RASGEF1A: variants seen among roughly 807,000 people sequenced by gnomAD.
RASGEF1A encodes the protein ras-GEF domain-containing family member 1A.
RASGEF1A carries 18 observed loss-of-function variants against 56.4 expected under a neutral mutation model. The observed-to-expected ratio is 0.32, with a 90% confidence interval of 0.22 to 0.47. RASGEF1A has a LOEUF of 0.47. RASGEF1A is among the 20% of genes least tolerant of loss of function. RASGEF1A has a pLI of 1.00. For missense variants in RASGEF1A, 422 were observed against 627.1 expected, an observed-to-expected ratio of 0.67 and a Z score of 3.49; for synonymous variants, 245 against 242.6, an observed-to-expected ratio of 1.01 and a Z score of -0.09.
intron 1 of RASGEF1A, among the ~76,000 whole-genome samples, chr10:43,259,064 G>A (rs1429806557): frequency 1.3e-5 from 2 of 152,254 alleles, no homozygotes; most frequent in Non-Finnish European, 2.9e-5. Context: ...CCATCAGTCA[G>A]TCCTTCCCTG....
Position 43,212,930 on chromosome 10 carries a change from A to G in RASGEF1A, c.-6-6808T>C, listed in dbSNP as rs567411958. The stretch of plus-strand genomic sequence containing the variant: ...GTGCACAGACCCCTTCGCACCAAGG[A>G]ATACACTGTGCCAATCACACAGCAC... On this transcript the variant is annotated intron_variant, in intron 1 of 12. Coordinates refer to ENST00000395810, the MANE Select transcript of RASGEF1A (RefSeq NM_145313.4). Among the ~76,000 whole-genome samples, 3 of 152,342 alleles carry G rather than the reference A, an allele frequency of 2.0e-5. No homozygotes were observed. In the East Asian group the frequency reaches 5.8e-4, roughly 29 times the overall value.
chr10:43,258,280 G>C (rs1209163690), intron 1 of RASGEF1A, among the ~76,000 whole-genome samples: 1 of 152,224 alleles, frequency 6.6e-6, no homozygotes, highest in Non-Finnish European at 1.5e-5. Context: ...CTTGAGGTGA[G>C]GGATTCTGTG....
chr10:43,254,252 G>A (rs12769745), intron 1 of RASGEF1A, among the ~76,000 whole-genome samples: 34,445 of 152,202 alleles, frequency 0.23, 4,053 homozygotes, highest in Non-Finnish European at 0.27. Flanking sequence ...GAACTGCAAT[G>A]TGCCAGTGGC....
intron 1 of RASGEF1A, among the ~76,000 whole-genome samples, chr10:43,219,572 C>G (rs1220258887): frequency 6.6e-6 from 1 of 152,222 alleles, no homozygotes; most frequent in Non-Finnish European, 1.5e-5. Flanking sequence ...TGCCCAGGCC[C>G]ACCCGGGCAC....
At chr10:43,257,415 T>A (rs1588953270) in intron 1 of RASGEF1A, among the ~76,000 whole-genome samples, 1 of 152,188 alleles carries the variant, frequency 6.6e-6, no homozygotes, top group East Asian at 1.9e-4. Flanking sequence ...CAGTGTTTGG[T>A]GGGGAAGGAG....
intron 3 of RASGEF1A, among the ~76,000 whole-genome samples, chr10:43,202,193 C>G (rs1032163520): frequency 6.6e-6 from 1 of 152,198 alleles, no homozygotes; most frequent in African/African-American, 2.4e-5. Flanking sequence ...AAAAACCCAC[C>G]CCATCTCTAA....
At chr10:43,200,327 C>A in intron 5 of RASGEF1A, 71 bp from the exon 6 acceptor site, 1 of 1,366,186 alleles carries the variant, frequency 7.3e-7, no homozygotes, top group South Asian at 1.2e-5. Flanking sequence ...CATAGGCATG[C>A]GGACAGGGAG....
intron 1 of RASGEF1A, among the ~76,000 whole-genome samples, chr10:43,236,493 G>A (rs1002542386): frequency 6.6e-6 from 1 of 152,206 alleles, no homozygotes; most frequent in African/African-American, 2.4e-5. Flanking sequence ...CTGCACCTGC[G>A]CCTATAAAAC....
rs149940317 is a variant in RASGEF1A at position 43,265,135 on chromosome 10, C to CCCT, written c.-7+1707_-7+1709dup. ...ACTGTCCAGCACAAATGCCATTTCT[C>CCCT]CCTCCTCCTCCTCCTCCCCTGCCTG... On this transcript the variant is annotated intron_variant, in intron 1 of 12. Coordinates refer to ENST00000395810, the MANE Select transcript of RASGEF1A (RefSeq NM_145313.4). Among the ~76,000 whole-genome samples the CCCT allele has an allele frequency of 3.7e-3, 569 of 152,132 alleles. 5 individuals carry two copies. Among genetic ancestry groups the CCCT allele is most frequent in the African/African-American group, 0.013 (546 of 41,518 alleles).
Position 43,217,346 on chromosome 10 carries a change from C to T in RASGEF1A, c.-6-11224G>A, listed in dbSNP as rs77147682. Among the ~76,000 whole-genome samples the T allele has an allele frequency of 6.2e-3, 937 of 152,332 alleles. 4 individuals carry two copies. Among genetic ancestry groups the T allele is most frequent in the Middle Eastern group, 0.017 (5 of 294 alleles). ...CCCTGTCCTGGTGACATGTGTCCCT[C>T]GCTCATGCTCCCTCTTCCCACGCCA... On this transcript the variant is annotated intron_variant, in intron 1 of 12. Coordinates refer to ENST00000395810, the MANE Select transcript of RASGEF1A (RefSeq NM_145313.4).
chr10:43,261,021 G>A (rs762560937), intron 1 of RASGEF1A, among the ~76,000 whole-genome samples: 9 of 152,106 alleles, frequency 5.9e-5, no homozygotes, highest in Admixed American at 2.0e-4. Flanking sequence ...CAGCCTGTGC[G>A]CACCCACCAG....
At chr10:43,203,766 A>G in intron 2 of RASGEF1A, 1 of 1,047,844 alleles carries the variant, frequency 9.5e-7, no homozygotes, top group Non-Finnish European at 1.2e-6. Context: ...TCGCTGCGCC[A>G]GGATGCAAGC....
chr10:43,226,765 A>G (rs1164320012), intron 1 of RASGEF1A, among the ~76,000 whole-genome samples: 1 of 152,238 alleles, frequency 6.6e-6, no homozygotes, highest in Non-Finnish European at 1.5e-5. Context: ...GAGCCTGTAC[A>G]GGCCACTTCC....
Position 43,209,998 on chromosome 10 carries a change from A to G in RASGEF1A, c.-6-3876T>C, listed in dbSNP as rs564157580. Among the ~76,000 whole-genome samples, 49 of 152,294 alleles carry G rather than the reference A, an allele frequency of 3.2e-4. 1 individual carries two copies. Among genetic ancestry groups the G allele is most frequent in the African/African-American group, 1.1e-3 (47 of 41,576 alleles). On this transcript the variant is annotated intron_variant, in intron 1 of 12. Transcript: ENST00000395810. ...TCTCAGTTCCAAGTGTGGCCGCTGG[A>G]CCTGCAGCTAAAGCATGACCTGTCG...
At chr10:43,202,620 C>G (rs1229094045) in intron 3 of RASGEF1A, 1 of 467,018 alleles carries the variant, frequency 2.1e-6, no homozygotes, top group Non-Finnish European at 4.4e-6. Context: ...CACACCAGCC[C>G]CACTCAGACC....
intron 1 of RASGEF1A, among the ~76,000 whole-genome samples, chr10:43,229,301 C>T (rs544170040): frequency 1.3e-5 from 2 of 152,352 alleles, no homozygotes; most frequent in East Asian, 1.9e-4. Context: ...CCTCGCCCGG[C>T]ACATCCTCCT....
intron 1 of RASGEF1A, among the ~76,000 whole-genome samples, chr10:43,233,264 T>C (rs553075533): frequency 6.6e-6 from 1 of 152,312 alleles, no homozygotes; most frequent in African/African-American, 2.4e-5. Flanking sequence ...GACTGTAACA[T>C]GTCTATGCAC....
At chr10:43,208,249 G>T (rs1840022716) in intron 1 of RASGEF1A, 2 of 985,352 alleles carry the variant, frequency 2.0e-6, no homozygotes, top group Non-Finnish European at 2.4e-6. Flanking sequence ...GAGGGCATTT[G>T]CCGAGCCACT....
At chr10:43,248,925 A>G (rs920400606) in intron 1 of RASGEF1A, among the ~76,000 whole-genome samples, 1 of 152,186 alleles carries the variant, frequency 6.6e-6, no homozygotes, top group Non-Finnish European at 1.5e-5. Flanking sequence ...CCAGCCGGCA[A>G]CAAGTGCTGT....
Sources: allele counts gnomAD v4.1 joint callset (sites outside exome capture counted in the v4.1 genomes callset), GRCh38; gene constraint gnomAD v4.1.1; transcripts MANE v1.5; gene names NCBI Gene and HGNC (gene_info 2026-07-23, HGNC 2026-07-21).